The following SH3RF3 variants were observed in gnomAD, a reference collection of about 807,000 sequenced individuals.
The protein encoded by SH3RF3 is SH3 domain containing ring finger 3.
SH3RF3 carries 29 observed loss-of-function variants against 66.3 expected under a neutral mutation model. The ratio of observed to expected loss-of-function variants is 0.44; its 90% CI spans 0.33 to 0.60. The LOEUF is 0.60. Ranked by LOEUF, SH3RF3 falls within the 20% of genes least tolerant of loss-of-function variation. The pLI, the probability that SH3RF3 is intolerant of heterozygous loss-of-function variation, is 0.04. For missense variants in SH3RF3, 1,194 were observed against 1,190.9 expected, an observed-to-expected ratio of 1.00 and a Z score of -0.04; for synonymous variants, 583 against 532.0, an observed-to-expected ratio of 1.10 and a Z score of -1.32.
At chr2:109,486,229 T>C (rs1463181814) in intron 8 of SH3RF3, among the ~76,000 whole-genome samples, 2 of 152,222 alleles carry the variant, frequency 1.3e-5, no homozygotes, top group Non-Finnish European at 2.9e-5. Flanking sequence ...CTTCCTATGT[T>C]CTGTATCAGA....
chr2:109,241,768 A>ATTTTT, intron 1 of SH3RF3, among the ~76,000 whole-genome samples: 1 of 143,476 alleles, frequency 7.0e-6, no homozygotes. Context: ...GTCTTGAATA[A>ATTTTT]TTTTTTTTTT....
chr2:109,257,761 G>A (rs138842139), intron 1 of SH3RF3, among the ~76,000 whole-genome samples: 282 of 152,292 alleles, frequency 1.9e-3, no homozygotes, highest in African/African-American at 6.4e-3. Context: ...GGCCCCAAGT[G>A]CAGAAACAAG....
chr2:109,423,660 C>A (rs989237114), intron 5 of SH3RF3, among the ~76,000 whole-genome samples: 1 of 152,188 alleles, frequency 6.6e-6, no homozygotes, highest in African/African-American at 2.4e-5. Context: ...CCGGGTACTG[C>A]CCCCAAGAGG....
intron 8 of SH3RF3, among the ~76,000 whole-genome samples, chr2:109,460,694 A>G (rs1424123351): frequency 2.1e-5 from 3 of 143,208 alleles, no homozygotes; most frequent in Admixed American, 1.4e-4. Context: ...GTCTTTTCAC[A>G]TGTGCTTTTC....
intron 3 of SH3RF3, among the ~76,000 whole-genome samples, chr2:109,386,431 A>G (rs983648341): frequency 6.6e-6 from 1 of 152,282 alleles, no homozygotes; most frequent in Admixed American, 6.5e-5. Flanking sequence ...AAAAAAAAAA[A>G]AACACTGTGG....
At chr2:109,326,067 G>A (rs1682147615) in intron 1 of SH3RF3, among the ~76,000 whole-genome samples, 1 of 152,164 alleles carries the variant, frequency 6.6e-6, no homozygotes, top group South Asian at 2.1e-4. Context: ...GGGTATCCTG[G>A]GCGTATGCCA....
chr2:109,266,224 A>G (rs993121669), intron 1 of SH3RF3, among the ~76,000 whole-genome samples: 1 of 143,600 alleles, frequency 7.0e-6, no homozygotes, highest in African/African-American at 2.6e-5. Flanking sequence ...TGTTGTGTGT[A>G]TGTGTATTCA....
chr2:109,372,365 C>T (rs1044526616), intron 3 of SH3RF3, among the ~76,000 whole-genome samples: 11 of 152,158 alleles, frequency 7.2e-5, no homozygotes, highest in Admixed American at 7.2e-4. Context: ...TTGCCTATGG[C>T]GTGTGTGTCT....
chr2:109,242,775 G>C (rs1456539515), intron 1 of SH3RF3, among the ~76,000 whole-genome samples: 2 of 152,176 alleles, frequency 1.3e-5, no homozygotes, highest in African/African-American at 4.8e-5. Context: ...GACGTCCTCA[G>C]GCTGGGGTGT....
At chr2:109,402,913 G>A (rs1333716954) in intron 4 of SH3RF3, among the ~76,000 whole-genome samples, 1 of 152,162 alleles carries the variant, frequency 6.6e-6, no homozygotes, top group Non-Finnish European at 1.5e-5. Context: ...CGTCTGCCCT[G>A]GAAAAGCAGC....
chr2:109,419,754 G>C, intron 5 of SH3RF3, 112 bp downstream of exon 5: 2 of 1,007,658 alleles, frequency 2.0e-6, no homozygotes, highest in Non-Finnish European at 2.9e-6. Context: ...TTACTAGTTG[G>C]CCAGTATAGT....
intron 7 of SH3RF3, among the ~76,000 whole-genome samples, chr2:109,442,324 A>G (rs1677592015): frequency 6.6e-6 from 1 of 151,952 alleles, no homozygotes; most frequent in Non-Finnish European, 1.5e-5. Flanking sequence ...AAAAAAAAAA[A>G]AAGAAAAAAT....
At chr2:109,475,607 C>T (rs1431474624) in intron 8 of SH3RF3, among the ~76,000 whole-genome samples, 1 of 152,232 alleles carries the variant, frequency 6.6e-6, no homozygotes, top group Non-Finnish European at 1.5e-5. Context: ...TTGGCACTAT[C>T]AGAGCCAGAT....
chr2:109,410,180 C>T (rs916670457), intron 4 of SH3RF3, among the ~76,000 whole-genome samples: 17 of 152,226 alleles, frequency 1.1e-4, no homozygotes, highest in African/African-American at 3.6e-4. Context: ...ACCGCGGCCA[C>T]AGCACTGCAG....
intron 1 of SH3RF3, among the ~76,000 whole-genome samples, chr2:109,201,406 C>G (rs1300859674): frequency 1.3e-5 from 2 of 152,204 alleles, no homozygotes; most frequent in African/African-American, 2.4e-5. Context: ...TTTCCCGGAT[C>G]TCTCTGTCTC....
In SH3RF3 at chr2:109,481,602, C is replaced by T. The variant is rs114642390; in HGVS notation, c.2149-9003C>T. ...TCTTGAGCAAATAGCTAAACGTGCG[C>T]TTCATCCCTCCACTCAGGCTGTGCT... On this transcript the variant is annotated intron_variant, in intron 8 of 9. Coordinates refer to ENST00000309415, the MANE Select transcript of SH3RF3 (RefSeq NM_001099289.3). Among the ~76,000 whole-genome samples, 930 of 152,258 alleles carry T rather than the reference C, an allele frequency of 6.1e-3. 10 individuals are homozygous for T. Among genetic ancestry groups the T allele is most frequent in the African/African-American group, 0.021 (881 of 41,544 alleles).
chr2:109,216,519 A>G (rs948281779), intron 1 of SH3RF3, among the ~76,000 whole-genome samples: 2 of 152,230 alleles, frequency 1.3e-5, no homozygotes, highest in Admixed American at 6.5e-5. Flanking sequence ...GCAAAGCTTA[A>G]GTGCCTTGCT....
chr2:109,246,245 A>G (rs1301238951), intron 1 of SH3RF3, among the ~76,000 whole-genome samples: 1 of 152,192 alleles, frequency 6.6e-6, no homozygotes, highest in Non-Finnish European at 1.5e-5. Context: ...TTTATTTCCC[A>G]CAGTTCTAGA....
At chr2:109,265,183 G>A (rs1680460315) in intron 1 of SH3RF3, among the ~76,000 whole-genome samples, 1 of 152,106 alleles carries the variant, frequency 6.6e-6, no homozygotes, top group Admixed American at 6.6e-5. Context: ...AGAGAGCCAG[G>A]AGGGTTCCTA....
Sources: allele counts gnomAD v4.1 joint callset (sites outside exome capture counted in the v4.1 genomes callset), GRCh38; gene constraint gnomAD v4.1.1; transcripts MANE v1.5; gene names NCBI Gene and HGNC (gene_info 2026-07-23, HGNC 2026-07-21).